G3BP2: variants seen among roughly 807,000 people sequenced by gnomAD.
G3BP2 encodes the protein ras GTPase-activating protein-binding protein 2.
G3BP2 carries 11 observed loss-of-function variants against 56.7 expected under a neutral mutation model. That is an observed-to-expected ratio of 0.19 (90% CI 0.12 to 0.32). The LOEUF (loss-of-function observed/expected upper bound fraction) is 0.32. Ranked by LOEUF, G3BP2 falls within the 10% of genes least tolerant of loss-of-function variation. G3BP2 has a pLI of 1.00. For missense variants in G3BP2, 340 were observed against 610.9 expected (o/e 0.56, Z 4.67); for synonymous variants, 165 against 191.6 (o/e 0.86, Z 1.15).
chr4:75,718,500 C>T (rs756227656), intron 3 of G3BP2, among the ~76,000 whole-genome samples: 19 of 152,100 alleles, frequency 1.2e-4, no homozygotes, highest in Admixed American at 3.9e-4. Context: ...AGTTTAAGTA[C>T]GTTAGGGGAT....
chr4:75,643,272 A>G lies in G3BP2; in HGVS notation c.*2158T>C, dbSNP rs1730982438. 8.5e-6 allele frequency: 1 copy of G among 117,752 alleles called. No homozygotes were observed. The highest frequency in any genetic ancestry group is 3.4e-5 in the African/African-American group (1 of 29,378). 7.3% of individuals were successfully genotyped at this position (117,752 alleles called of 1,614,324 possible). ...TGCCAGAACAGTTTTCATGGATGGC[A>G]GGGCAATATCCTGAATTGGAAATTA... On this transcript the variant is annotated 3_prime_UTR_variant, in exon 12 of 12. Transcript: ENST00000359707.
At chr4:75,661,806 A>G in intron 2 of G3BP2, 125 bp downstream of exon 2, 1 of 585,436 alleles carries the variant, frequency 1.7e-6, no homozygotes, top group Non-Finnish European at 3.1e-6. Context: ...AAAATATTGA[A>G]TACAGTTTAG....
At chr4:75,704,428 G>A (rs1228752998) in intron 3 of G3BP2, among the ~76,000 whole-genome samples, 2 of 146,670 alleles carry the variant, frequency 1.4e-5, no homozygotes, top group Non-Finnish European at 3.0e-5. Context: ...AGTGATCCTC[G>A]GGCCTCAGCC....
At chr4:75,707,534 T>C (rs1415876290) in intron 3 of G3BP2, among the ~76,000 whole-genome samples, 1 of 140,400 alleles carries the variant, frequency 7.1e-6, no homozygotes, top group Non-Finnish European at 1.5e-5. Flanking sequence ...GGCGTGAACC[T>C]GGGAGGCGGA....
At chr4:75,672,863 T>C (rs1452819317) in intron 1 of G3BP2, 2 of 254,124 alleles carry the variant, frequency 7.9e-6, no homozygotes, top group Non-Finnish European at 1.2e-5. Flanking sequence ...TGTATTAAGC[T>C]TCCATCAGCG....
chr4:75,698,276 A>T (rs1370628895), intron 3 of G3BP2, among the ~76,000 whole-genome samples: 1 of 152,158 alleles, frequency 6.6e-6, no homozygotes, highest in East Asian at 1.9e-4. Context: ...AGTGAAGGAG[A>T]TATAATGACA....
At chr4:75,667,421 C>CA (rs1733141920) in intron 1 of G3BP2, among the ~76,000 whole-genome samples, 1 of 151,982 alleles carries the variant, frequency 6.6e-6, no homozygotes, top group African/African-American at 2.4e-5. Context: ...CCTCACCTAA[C>CA]AACCTTTTTA....
chr4:75,650,290 C>T (rs1295691138), intron 8 of G3BP2, among the ~76,000 whole-genome samples: 3 of 150,522 alleles, frequency 2.0e-5, no homozygotes, highest in East Asian at 4.0e-4. Flanking sequence ...CAAAATCAGC[C>T]GGGTGTGGTG....
chr4:75,696,488 A>G (rs1232547884), intron 3 of G3BP2, among the ~76,000 whole-genome samples: 3 of 152,116 alleles, frequency 2.0e-5, no homozygotes, highest in Admixed American at 6.6e-5. Context: ...GTCCTTCACC[A>G]TGTGGAATGG....
chr4:75,691,891 C>CA (rs1202993987), intron 3 of G3BP2, among the ~76,000 whole-genome samples: 4 of 152,118 alleles, frequency 2.6e-5, no homozygotes, highest in Non-Finnish European at 4.4e-5. Flanking sequence ...CACGCATACT[C>CA]CTCAGGTGAT....
chr4:75,708,937 CCT>C (rs1344933230), intron 3 of G3BP2, among the ~76,000 whole-genome samples: 3 of 151,662 alleles, frequency 2.0e-5, no homozygotes, highest in Admixed American at 1.3e-4. Context: ...ATGGTGAAAC[CCT>C]GTCTATAAAA....
At chr4:75,719,695 T>A (rs1720071857) in intron 3 of G3BP2, among the ~76,000 whole-genome samples, 1 of 152,018 alleles carries the variant, frequency 6.6e-6, no homozygotes, top group Non-Finnish European at 1.5e-5. Flanking sequence ...GTTTAAGCGA[T>A]TCTCCTGCCT....
chr4:75,719,359 A>T (rs1318615911), intron 3 of G3BP2, among the ~76,000 whole-genome samples: 1 of 151,756 alleles, frequency 6.6e-6, no homozygotes, highest in African/African-American at 2.4e-5. Context: ...AAAAAAAAAA[A>T]AAAAAAAAGA....
intron 10 of G3BP2, 113 bp downstream of exon 10, chr4:75,646,888 GCACAATTAAGGTGGGTCTGGTAGCTGGA>G: frequency 1.8e-6 from 1 of 570,584 alleles, no homozygotes; most frequent in Non-Finnish European, 3.0e-6. Flanking sequence ...ACTCCCTTCT[GCACAATTAAGGTGGGTCTGGTAGCTGGA>G]CACAGTATAA....
intron 3 of G3BP2, among the ~76,000 whole-genome samples, chr4:75,704,472 C>G (rs369263087): frequency 5.3e-4 from 79 of 150,096 alleles, no homozygotes; most frequent in Middle Eastern, 3.4e-3. Context: ...CTTGAGCCAC[C>G]ATGCCCAGGT....
intron 11 of G3BP2, 64 bp downstream of exon 11, chr4:75,646,274 A>G: frequency 4.0e-6 from 3 of 750,782 alleles, no homozygotes; most frequent in Non-Finnish European, 6.9e-6. Context: ...GTTTTTAAAT[A>G]CCCCAAATTA....
At chr4:75,659,325 G>A (rs1226050015) in intron 2 of G3BP2, among the ~76,000 whole-genome samples, 2 of 152,094 alleles carry the variant, frequency 1.3e-5, no homozygotes, top group Non-Finnish European at 2.9e-5. Flanking sequence ...ACCTAGATTT[G>A]TTTGGGAATC....
chr4:75,664,026 G>T (rs1732785931), intron 1 of G3BP2, among the ~76,000 whole-genome samples: 1 of 150,704 alleles, frequency 6.6e-6, no homozygotes, highest in African/African-American at 2.4e-5. Flanking sequence ...TGGGACTACA[G>T]GCACGTGTCA....
chr4:75,681,648 G>A (rs544011259), intron 3 of G3BP2, among the ~76,000 whole-genome samples: 8 of 151,524 alleles, frequency 5.3e-5, no homozygotes, highest in East Asian at 2.0e-4. Flanking sequence ...TCAGGAGTTC[G>A]AGACCAGCCT....
Sources: allele counts gnomAD v4.1 joint callset (sites outside exome capture counted in the v4.1 genomes callset), GRCh38; gene constraint gnomAD v4.1.1; transcripts MANE v1.5; gene names NCBI Gene and HGNC (gene_info 2026-07-23, HGNC 2026-07-21).